The following SMAD3 variants were observed in gnomAD, a reference collection of about 807,000 sequenced individuals.
SMAD3 encodes SMAD family member 3.
In SMAD3, 12 loss-of-function variants were observed where a neutral mutation model predicts 51.8. That is an observed-to-expected ratio of 0.23 (90% CI 0.15 to 0.38). SMAD3 has a LOEUF of 0.38. SMAD3 is among the 10% of genes least tolerant of loss of function. The pLI is 1.00. For missense variants in SMAD3, 294 were observed against 565.6 expected (o/e 0.52, Z 4.87); for synonymous variants, 238 against 227.7 (o/e 1.05, Z -0.41).
At chr15:67,186,548 C>T (rs575348102) in intron 7 of SMAD3, 3 of 154,856 alleles carry the variant, frequency 1.9e-5, no homozygotes, top group Non-Finnish European at 4.3e-5. Flanking sequence ...CACCCCGGCT[C>T]ACCTTTTGGC....
In SMAD3 at chr15:67,141,710, T is replaced by C. The variant is rs544529073; in HGVS notation, c.207-23185T>C. ...ACCTTGTGGTTGTTGGACTAGATGA[T>C]CTGTGAGCTGTTTTTCATTACCTGG... On this transcript the variant is annotated intron_variant, in intron 1 of 8. Transcript: ENST00000327367. 1.4e-4 allele frequency among the ~76,000 whole-genome samples: 22 copies of C among 152,246 alleles called. No individual in the cohort carries two copies. The South Asian group carries it at 4.4e-3, about 30-fold the overall frequency.
intron 1 of SMAD3, among the ~76,000 whole-genome samples, chr15:67,093,949 G>A (rs1288243956): frequency 6.6e-6 from 1 of 152,228 alleles, no homozygotes; most frequent in African/African-American, 2.4e-5. Context: ...GGAAGCCAAG[G>A]CTCTGAGAAG....
Position 67,186,471 on chromosome 15 carries a change from G to A in SMAD3, c.1010-894G>A, listed in dbSNP as rs543534244. Among the ~76,000 whole-genome samples, 18 of 152,296 alleles carry A rather than the reference G, an allele frequency of 1.2e-4. No individual in the cohort carries two copies. The South Asian group carries it at 3.3e-3, about 28-fold the overall frequency. On this transcript the variant is annotated intron_variant, in intron 7 of 8. Coordinates refer to ENST00000327367, the MANE Select transcript of SMAD3 (RefSeq NM_005902.4). ...TTATACAGAGACACAGGGTCCCCAA[G>A]AGAAAGCGACCAGCTCAGAGTCACA... is the stretch of plus-strand genomic sequence containing the variant.
intron 5 of SMAD3, among the ~76,000 whole-genome samples, chr15:67,170,898 G>T (rs1962733886): frequency 6.6e-6 from 1 of 152,210 alleles, no homozygotes; most frequent in Non-Finnish European, 1.5e-5. Flanking sequence ...GAGAACGAGG[G>T]TCTGTGGTCA....
At chr15:67,137,615 G>A (rs779045620) in intron 1 of SMAD3, among the ~76,000 whole-genome samples, 2 of 152,094 alleles carry the variant, frequency 1.3e-5, no homozygotes, top group Non-Finnish European at 2.9e-5. Flanking sequence ...TTTTCTATGA[G>A]GTTTGATTTT....
At chr15:67,066,541 A>G (rs1959923492) in intron 1 of SMAD3, among the ~76,000 whole-genome samples, 181 bp downstream of exon 1, 1 of 152,214 alleles carries the variant, frequency 6.6e-6, no homozygotes, top group South Asian at 2.1e-4. Context: ...GACCCCAAAC[A>G]AAACCATCTC....
intron 3 of SMAD3, among the ~76,000 whole-genome samples, chr15:67,165,613 G>T (rs1962563247): frequency 6.6e-6 from 1 of 152,252 alleles, no homozygotes; most frequent in South Asian, 2.1e-4. Context: ...TAGAGGAGCA[G>T]CGTGACCCTT....
chr15:67,088,891 C>T (rs1289824368), intron 1 of SMAD3, among the ~76,000 whole-genome samples: 1 of 152,134 alleles, frequency 6.6e-6, no homozygotes. Context: ...CACGCCACTG[C>T]ACTTGAGCCT....
At chr15:67,083,425 G>C (rs1033508187) in intron 1 of SMAD3, among the ~76,000 whole-genome samples, 2 of 152,234 alleles carry the variant, frequency 1.3e-5, no homozygotes, top group South Asian at 4.1e-4. Flanking sequence ...ACCGTTAGGA[G>C]GAGGATGAAA....
chr15:67,138,172 T>C (rs1038780634), intron 1 of SMAD3: 76 of 1,167,768 alleles, frequency 6.5e-5, no homozygotes, highest in Non-Finnish European at 9.3e-5. Flanking sequence ...ACAGGGTTGC[T>C]GGCCAGAGAT....
At chr15:67,104,175 CT>C (rs1960825630) in intron 1 of SMAD3, among the ~76,000 whole-genome samples, 1 of 152,058 alleles carries the variant, frequency 6.6e-6, no homozygotes, top group Admixed American at 6.6e-5. Context: ...CAACCAAGAA[CT>C]TTTCCCCACC....
intron 1 of SMAD3, among the ~76,000 whole-genome samples, chr15:67,122,517 G>A (rs1181369453): frequency 6.6e-6 from 1 of 152,172 alleles, no homozygotes; most frequent in Non-Finnish European, 1.5e-5. Context: ...AGCCAAAAGA[G>A]GTCACAGGAA....
At chr15:67,098,863 G>A (rs1960681635) in intron 1 of SMAD3, 2 of 701,370 alleles carry the variant, frequency 2.9e-6, no homozygotes, top group East Asian at 2.7e-5. Context: ...ACGGTGGGAG[G>A]GCATACATGG....
chr15:67,144,055 A>G (rs1051420826), intron 1 of SMAD3, among the ~76,000 whole-genome samples: 3 of 151,812 alleles, frequency 2.0e-5, no homozygotes, highest in Admixed American at 2.0e-4. Flanking sequence ...TGAGTTTGAT[A>G]TTTGTATATG....
chr15:67,113,076 G>GTATATAGATA (rs1555408271), intron 1 of SMAD3, among the ~76,000 whole-genome samples: 2 of 34,972 alleles, frequency 5.7e-5, no homozygotes, highest in Non-Finnish European at 1.2e-4. Context: ...ATATATATGT[G>GTATATAGATA]TATATATATA....
At chr15:67,123,134 T>C (rs987402240) in intron 1 of SMAD3, among the ~76,000 whole-genome samples, 1 of 148,538 alleles carries the variant, frequency 6.7e-6, no homozygotes, top group African/African-American at 2.5e-5. Flanking sequence ...AGTTAAAGTC[T>C]GCAGTGAACT....
At chr15:67,162,878 C>T (rs1171257581) in intron 1 of SMAD3, among the ~76,000 whole-genome samples, 1 of 152,006 alleles carries the variant, frequency 6.6e-6, no homozygotes, top group Non-Finnish European at 1.5e-5. Flanking sequence ...GTGCCATGGT[C>T]ATACACTCTT....
rs569108471 is a variant in SMAD3, at chr15:67,148,634, G to A, written c.207-16261G>A. On this transcript the variant is annotated intron_variant, in intron 1 of 8. Coordinates refer to ENST00000327367, the MANE Select transcript of SMAD3 (RefSeq NM_005902.4). ...TGCTGTTTTTAATTGCACCTCTCAA[G>A]ACCAGCTGATTGCTTAAAGAACATT... is the stretch of plus-strand genomic sequence containing the variant. Among the ~76,000 whole-genome samples the A allele has an allele frequency of 5.3e-5, 8 of 152,268 alleles. No individual in the cohort carries two copies. The East Asian group carries it at 1.5e-3, about 29-fold the overall frequency.
At chr15:67,140,343 A>G (rs1310285124) in intron 1 of SMAD3, among the ~76,000 whole-genome samples, 1 of 152,238 alleles carries the variant, frequency 6.6e-6, no homozygotes, top group Non-Finnish European at 1.5e-5. Flanking sequence ...TTCAGGCAAG[A>G]GAAATGGTAC....
Sources: allele counts gnomAD v4.1 joint callset (sites outside exome capture counted in the v4.1 genomes callset), GRCh38; gene constraint gnomAD v4.1.1; transcripts MANE v1.5; gene names NCBI Gene and HGNC (gene_info 2026-07-23, HGNC 2026-07-21).